TCF7L2: variants seen among roughly 807,000 people sequenced by gnomAD.
The protein encoded by TCF7L2 is transcription factor 7-like 2.
Under a neutral mutation model 77.9 loss-of-function variants are expected in TCF7L2, and 23 were observed. That is an observed-to-expected ratio of 0.30 (90% CI 0.21 to 0.42). The LOEUF (loss-of-function observed/expected upper bound fraction) is 0.42, where lower values mean the gene tolerates loss of function less well. TCF7L2 is among the 10% of genes least tolerant of loss of function. The pLI is 1.00. For missense variants in TCF7L2, 654 were observed against 793.1 expected (o/e 0.82, Z 2.11); for synonymous variants, 413 against 340.2 (o/e 1.21, Z -2.36).
At chr10:113,067,027 A>C (rs1448938084) in intron 5 of TCF7L2, among the ~76,000 whole-genome samples, 1 of 152,242 alleles carries the variant, frequency 6.6e-6, no homozygotes, top group African/African-American at 2.4e-5. Flanking sequence ...ATTCTATTGG[A>C]AAGAATGGGC....
At chr10:113,042,346 C>G (rs1378432136) in intron 5 of TCF7L2, among the ~76,000 whole-genome samples, 2 of 152,188 alleles carry the variant, frequency 1.3e-5, no homozygotes, top group Non-Finnish European at 2.9e-5. Flanking sequence ...GCAGCCACAG[C>G]TGGCAACTGT....
intron 13 of TCF7L2, among the ~76,000 whole-genome samples, chr10:113,164,148 T>C (rs1443030686): frequency 6.6e-6 from 1 of 152,166 alleles, no homozygotes; most frequent in African/African-American, 2.4e-5. Flanking sequence ...GTGGGGTTGA[T>C]CCCCAGGCTC....
intron 5 of TCF7L2, among the ~76,000 whole-genome samples, chr10:113,073,962 G>A (rs1167146314): frequency 1.3e-5 from 2 of 152,180 alleles, no homozygotes; most frequent in African/African-American, 2.4e-5. Context: ...CACCAGGGTC[G>A]TGTGCTGGGT....
intron 5 of TCF7L2, among the ~76,000 whole-genome samples, chr10:113,081,465 G>A (rs1431350205): frequency 6.6e-6 from 1 of 152,206 alleles, no homozygotes; most frequent in Non-Finnish European, 1.5e-5. Context: ...TTCTTCCATA[G>A]CCAGTCATTG....
At position 113,141,323 on chromosome 10, in the gene TCF7L2, T is replaced by G; in HGVS notation, c.685+7T>G. 1 of 1,614,078 alleles carries G rather than the reference T, an allele frequency of 6.2e-7. No individual in the cohort carries two copies. The highest frequency in any genetic ancestry group is 1.7e-5 in the Admixed American group (1 of 60,016). On this transcript the variant is annotated splice_region_variant and intron_variant, in intron 6 of 13. Coordinates refer to ENST00000627217, the MANE Select transcript of TCF7L2 (RefSeq NM_001146274.2). The stretch of plus-strand genomic sequence containing the variant: ...GACGTAGACCCCAAAACAGGTAGGC[T>G]GTGGGCTACGGAGCCAAGGTAGAGT...
chr10:113,027,657 A>G (rs2049429810), intron 4 of TCF7L2, among the ~76,000 whole-genome samples: 1 of 152,196 alleles, frequency 6.6e-6, no homozygotes, highest in South Asian at 2.1e-4. Context: ...TGCTCGAAAT[A>G]TCTCCTGGTA....
intron 5 of TCF7L2, among the ~76,000 whole-genome samples, chr10:113,082,183 T>A (rs2059379488): frequency 6.6e-6 from 1 of 151,916 alleles, no homozygotes; most frequent in South Asian, 2.1e-4. Context: ...TCAGATAATG[T>A]TAAGGTTAAC....
intron 11 of TCF7L2, among the ~76,000 whole-genome samples, chr10:113,157,112 G>T (rs2072082849): frequency 6.6e-6 from 1 of 152,068 alleles, no homozygotes; most frequent in Non-Finnish European, 1.5e-5. Flanking sequence ...GGTTTTTTTT[G>T]TTTGTTTTTT....
intron 5 of TCF7L2, among the ~76,000 whole-genome samples, chr10:113,127,409 T>C (rs1341839276): frequency 6.6e-6 from 1 of 151,992 alleles, no homozygotes; most frequent in Non-Finnish European, 1.5e-5. Context: ...TTGAACCTCT[T>C]TATTTAAAAC....
intron 3 of TCF7L2, among the ~76,000 whole-genome samples, chr10:112,959,183 C>T (rs539554636): frequency 2.2e-4 from 33 of 147,540 alleles, no homozygotes; most frequent in East Asian, 1.4e-3. Context: ...TTTTTTTTTG[C>T]GAGACTTTGC....
At chr10:113,147,354 C>T (rs762313396) in intron 8 of TCF7L2, among the ~76,000 whole-genome samples, 21 of 152,342 alleles carry the variant, frequency 1.4e-4, no homozygotes, top group Non-Finnish European at 2.5e-4. Flanking sequence ...AAAACAGTAA[C>T]TTTAGCAGTG....
At chr10:112,989,516 GTA>G (rs1180697479) in intron 4 of TCF7L2, among the ~76,000 whole-genome samples, 2 of 152,120 alleles carry the variant, frequency 1.3e-5, no homozygotes, top group Non-Finnish European at 2.9e-5. Context: ...ATTATGGCAT[GTA>G]ATGTAATTGG....
intron 4 of TCF7L2, among the ~76,000 whole-genome samples, chr10:112,982,772 G>T (rs760044424): frequency 6.6e-6 from 1 of 152,038 alleles, no homozygotes; most frequent in Admixed American, 6.5e-5. Context: ...CTACAGGCAC[G>T]CACTACCACG....
chr10:112,984,820 A>T (rs533840486), intron 4 of TCF7L2, among the ~76,000 whole-genome samples: 24 of 152,304 alleles, frequency 1.6e-4, no homozygotes, highest in South Asian at 2.1e-4. Context: ...ATGCCCCCAC[A>T]GGATGGATGC....
At chr10:113,159,893 G>A in intron 12 of TCF7L2, 27 bp from the exon 14 acceptor site, 2 of 1,409,656 alleles carry the variant, frequency 1.4e-6, no homozygotes, top group East Asian at 3.3e-5. Context: ...CTCCTCCTCT[G>A]CTCGCTTCTC....
rs1426201612 is a variant in TCF7L2 at position 113,063,506 on chromosome 10, T to C, written c.552+23380T>C. ...GGCACTGCTCTGGCTGGAGGGAAGATGAGAGTGAGGGATGGAGAGGAGAGG... is the reference window on the plus strand; with the variant it reads ...GGCACTGCTCTGGCTGGAGGGAAGACGAGAGTGAGGGATGGAGAGGAGAGG... On this transcript the variant is annotated intron_variant, in intron 5 of 13. Coordinates refer to ENST00000627217, the MANE Select transcript of TCF7L2 (RefSeq NM_001146274.2). Among the ~76,000 whole-genome samples the C allele has an allele frequency of 2.0e-5, 3 of 151,844 alleles. No homozygotes were observed. In the East Asian group the frequency reaches 5.8e-4, roughly 29 times the overall value.
chr10:113,159,594 G>A (rs2072704445), intron 12 of TCF7L2, among the ~76,000 whole-genome samples: 1 of 152,040 alleles, frequency 6.6e-6, no homozygotes, highest in Non-Finnish European at 1.5e-5. Context: ...GTTATTCCAT[G>A]TCTAACTTCC....
rs3793883 is a variant in TCF7L2, at chr10:113,166,614, G to C, written c.*642G>C. On this transcript the variant is annotated 3_prime_UTR_variant, in exon 14 of 14. Coordinates refer to ENST00000627217, the MANE Select transcript of TCF7L2 (RefSeq NM_001146274.2). ...ACTCAACACTTAATAGAATCACAAC[G>C]CTGTTGGGCCAGTAGTATTTATTGC... is the stretch of plus-strand genomic sequence containing the variant. 0.014 allele frequency: 3,238 copies of C among 229,672 alleles called. 38 individuals are homozygous for C. Among genetic ancestry groups the C allele is most frequent in the East Asian group, 0.038 (605 of 16,094 alleles). 14.2% of individuals were successfully genotyped at this position (229,672 alleles called of 1,614,324 possible).
At chr10:112,966,184 T>TATATATATTTATATATATA (rs2036754580) in intron 4 of TCF7L2, among the ~76,000 whole-genome samples, 1 of 114,280 alleles carries the variant, frequency 8.8e-6, no homozygotes, top group African/African-American at 4.8e-5. Flanking sequence ...TAAAATATAT[T>TATATATATTTATATATATA]TATATATATA....
Sources: gnomAD v4.1 joint callset for allele counts (sites outside exome capture counted in the v4.1 genomes callset) on GRCh38, gnomAD v4.1.1 for gene constraint, MANE v1.5 for transcripts, NCBI Gene and HGNC (gene_info 2026-07-23, HGNC 2026-07-21) for gene names.